Variants in FAAH2 observed in about 807,000 individuals in gnomAD.
The protein encoded by FAAH2 is fatty-acid amide hydrolase 2.
A neutral mutation model predicts 36.9 loss-of-function variants in FAAH2; 60 were observed. That is an observed-to-expected ratio of 1.63 (90% CI 1.32 to 2.02). FAAH2 has a LOEUF of 2.02. Ranked by LOEUF, FAAH2 falls within the 30% of genes most tolerant of loss-of-function variation. The pLI is 0.00. For synonymous variants in FAAH2, 214 were observed against 143.8 expected (o/e 1.49, Z -3.49); for missense variants, 689 against 397.5 (o/e 1.73, Z -6.23).
At chrX:57,447,968 G>A (rs1030478517) in intron 9 of FAAH2, among the ~76,000 whole-genome samples, 1 of 111,813 alleles carries the variant, frequency 8.9e-6, no homozygotes, top group Non-Finnish European at 1.9e-5. Flanking sequence ...TCCATCATCA[G>A]GCTGCAAATT....
chrX:57,364,704 C>G (rs1293342854), intron 5 of FAAH2, among the ~76,000 whole-genome samples: 2 of 110,513 alleles, frequency 1.8e-5, no homozygotes, highest in South Asian at 7.7e-4. Context: ...CTCTCCACTT[C>G]CCTCTTAACA....
rs1371319859 is a variant in FAAH2, at chrX:57,466,154, C to CTATA, written c.1423+17437_1423+17438insATAT. ...TCTCTCTCTCTCTCTCTCTCTCTCT[C>CTATA]TCTATATATATATATATATATATAT... On this transcript the variant is annotated intron_variant, in intron 10 of 10. Transcript: ENST00000374900. Among the ~76,000 whole-genome samples the CTATA allele has an allele frequency of 8.4e-3, 564 of 66,854 alleles. 9 individuals are homozygous for CTATA. The highest frequency in any genetic ancestry group is 0.032 in the African/African-American group (526 of 16,615). 58.1% of individuals were successfully genotyped at this position (66,854 alleles called of 115,157 possible). A position where few individuals can be genotyped will look rare whatever the true frequency, so the allele number is the denominator to read the frequency against.
the FAAH2 span, among the ~76,000 whole-genome samples, chrX:57,191,798 G>T: frequency 8.9e-6 from 1 of 111,834 alleles, no homozygotes; most frequent in Admixed American, 9.5e-5. Flanking sequence ...TACTCTAGCT[G>T]AATGGATTTG....
chrX:57,437,412 C>A (rs1323687283), intron 8 of FAAH2, among the ~76,000 whole-genome samples: 2 of 110,114 alleles, frequency 1.8e-5, no homozygotes, highest in African/African-American at 3.3e-5. Flanking sequence ...TAAAAGATAT[C>A]CAAACTGGAA....
chrX:57,466,939 T>G lies in FAAH2; in HGVS notation c.1423+18221T>G, dbSNP rs1279377821. Reference sequence around the variant, plus strand: ...ACACAGACCATGCTGAATCTTGAGCTTTAATAATCAAGATTTGTACAAGGA... The same window carrying G: ...ACACAGACCATGCTGAATCTTGAGCGTTAATAATCAAGATTTGTACAAGGA... On this transcript the variant is annotated intron_variant, in intron 10 of 10. Coordinates refer to ENST00000374900, the MANE Select transcript of FAAH2 (RefSeq NM_174912.4). Among the ~76,000 whole-genome samples the G allele has an allele frequency of 2.7e-5, 3 of 111,434 alleles. No individual in the cohort carries two copies. In the East Asian group the frequency reaches 8.5e-4, roughly 32 times the overall value.
At chrX:57,271,183 C>T in the FAAH2 span, among the ~76,000 whole-genome samples, 1 of 112,472 alleles carries the variant, frequency 8.9e-6, no homozygotes, top group Non-Finnish European at 1.9e-5. Context: ...CTTGAATAAG[C>T]GGTTTTATGA....
the FAAH2 span, among the ~76,000 whole-genome samples, chrX:57,243,280 C>A: frequency 1.2e-4 from 13 of 111,990 alleles, no homozygotes; most frequent in Admixed American, 4.7e-4. Flanking sequence ...ACTTTCATTT[C>A]CCTGGGACAG....
chrX:57,243,817 G>A, the FAAH2 span, among the ~76,000 whole-genome samples: 2 of 110,822 alleles, frequency 1.8e-5, no homozygotes, highest in Non-Finnish European at 1.9e-5. Context: ...GCTGAAAATT[G>A]CAAAAACTAG....
chrX:57,344,129 T>A (rs1370555012), intron 5 of FAAH2, among the ~76,000 whole-genome samples: 1 of 110,731 alleles, frequency 9.0e-6, no homozygotes, highest in Non-Finnish European at 1.9e-5. Context: ...ATAGCTTTTT[T>A]TTTTTTTAAA....
chrX:57,352,230 G>A (rs1482042354), intron 5 of FAAH2, among the ~76,000 whole-genome samples: 1 of 100,487 alleles, frequency 1.0e-5, no homozygotes, highest in Non-Finnish European at 2.0e-5. Flanking sequence ...TACTAGCAAA[G>A]TTGAATCTAA....
chrX:57,350,555 A>G (rs963247412), intron 5 of FAAH2, among the ~76,000 whole-genome samples: 2 of 111,219 alleles, frequency 1.8e-5, no homozygotes, highest in Non-Finnish European at 3.8e-5. Context: ...CTCAACTTAA[A>G]AAATACAGAT....
At chrX:57,168,087 T>A in the FAAH2 span, among the ~76,000 whole-genome samples, 1 of 112,132 alleles carries the variant, frequency 8.9e-6, no homozygotes, top group Non-Finnish European at 1.9e-5. Context: ...CTTTTTTTAA[T>A]ATTTGCAAAT....
the FAAH2 span, among the ~76,000 whole-genome samples, chrX:57,173,855 T>A: frequency 8.9e-6 from 1 of 112,039 alleles, no homozygotes; most frequent in Non-Finnish European, 1.9e-5. Context: ...ATTCTGTTTA[T>A]GGGATGAATC....
chrX:57,289,092 TA>T (rs1476144738), intron 1 of FAAH2, among the ~76,000 whole-genome samples: 1 of 112,288 alleles, frequency 8.9e-6, no homozygotes, highest in Admixed American at 9.4e-5. Context: ...TGAATCTTCA[TA>T]ATGACATTTT....
chrX:57,308,616 G>T (rs1449043094), intron 2 of FAAH2, among the ~76,000 whole-genome samples: 1 of 111,462 alleles, frequency 9.0e-6, no homozygotes, highest in African/African-American at 3.3e-5. Flanking sequence ...AGGATTAACT[G>T]ACTGTACAAT....
the FAAH2 span, among the ~76,000 whole-genome samples, chrX:57,260,321 T>C: frequency 1.8e-5 from 2 of 111,580 alleles, no homozygotes; most frequent in Non-Finnish European, 3.8e-5. Flanking sequence ...ACCAAGACAA[T>C]TTAATTTAAA....
At chrX:57,301,263 A>C (rs2052354135) in intron 2 of FAAH2, among the ~76,000 whole-genome samples, 1 of 111,050 alleles carries the variant, frequency 9.0e-6, no homozygotes, top group Admixed American at 9.6e-5. Flanking sequence ...ACATACACAC[A>C]ATGGAATACT....
intron 7 of FAAH2, among the ~76,000 whole-genome samples, chrX:57,418,042 C>T (rs1010584796): frequency 1.1e-4 from 12 of 111,439 alleles, no homozygotes; most frequent in African/African-American, 3.9e-4. Flanking sequence ...GGGAAAACCA[C>T]TTACTCAAGC....
chrX:57,223,590 C>T, the FAAH2 span, among the ~76,000 whole-genome samples: 3 of 111,162 alleles, frequency 2.7e-5, no homozygotes, highest in Non-Finnish European at 5.7e-5. Context: ...AGGCTCCTTC[C>T]AGCCACCTTT....
Sources: gnomAD v4.1 joint callset for allele counts (sites outside exome capture counted in the v4.1 genomes callset) on GRCh38, gnomAD v4.1.1 for gene constraint, MANE v1.5 for transcripts, NCBI Gene and HGNC (gene_info 2026-07-23, HGNC 2026-07-21) for gene names.